The following PEX6 variants were observed in gnomAD, a reference collection of about 807,000 sequenced individuals.
PEX6 encodes the protein peroxisome biogenesis factor 6.
In PEX6, 55 loss-of-function variants were observed where a neutral mutation model predicts 85.6. The observed-to-expected ratio is 0.64, with a 90% CI of 0.52 to 0.80. The LOEUF is 0.80. PEX6 is among the 30% of genes least tolerant of loss of function. The probability of loss-of-function intolerance (pLI) is 0.00; values close to 1 mark genes in which losing one functional copy is unlikely to be tolerated. For synonymous variants in PEX6, 519 were observed against 549.1 expected (o/e 0.95, Z 0.77); for missense variants, 1,099 against 1,260.3 (o/e 0.87, Z 1.94).
intron 1 of PEX6, among the ~76,000 whole-genome samples, chr6:42,975,774 A>G (rs943287492): frequency 3.3e-5 from 5 of 150,990 alleles, no homozygotes; most frequent in Non-Finnish European, 5.9e-5. Context: ...GCAGTGGCAC[A>G]GTCTCGGCTC....
rs1274337905 is a variant in PEX6, at chr6:42,966,311, C to G, written c.2231G>C (p.Gly744Ala). 6.2e-7 allele frequency: 1 copy of G among 1,613,084 alleles called. No homozygotes were observed. Among genetic ancestry groups the G allele is most frequent in the South Asian group, 1.1e-5 (1 of 91,082 alleles). Reference sequence around the variant, plus strand: ...AAGGGTCTTGCCGGTGCCAGGGGGCCCATGGAGCAGAAGGCCTGAGCGTCT... The same window carrying G: ...AAGGGTCTTGCCGGTGCCAGGGGGCGCATGGAGCAGAAGGCCTGAGCGTCT... ...GLRRSGLLLH[G>A]PPGTGKTLLA... The change falls in exon 11 of 17, where the codon GGG (glycine) becomes GCG (alanine). Residue 744 changes from glycine to alanine, a missense_variant. Around this residue, in one of 3 missense-constraint regions of PEX6, gnomAD observed 514 missense variants for 627.0 expected, o/e 0.82. Coordinates refer to ENST00000304611, the MANE Select transcript of PEX6 (RefSeq NM_000287.4).
In PEX6 at chr6:42,978,559, G is replaced by C. The variant is rs1770412382; in HGVS notation, c.592C>G (p.Leu198Val). ...SGTVRRLQGV[L>V]GGTGDSLGVS... ...CCTAGTGAATCTCCAGTCCCTCCCA[G>C]AACTCCCTGGAGTCGCCGCACTGTG... is the stretch of plus-strand genomic sequence containing the variant. Residue 198 changes from leucine to valine, a missense_variant, in exon 1 of 17, where the codon CTG becomes GTG. This residue lies in a region of PEX6 where 579 missense variants were observed against 611.6 expected (regional missense o/e 0.95). Coordinates refer to ENST00000304611, the MANE Select transcript of PEX6 (RefSeq NM_000287.4). The C allele has an allele frequency of 1.2e-6, 2 of 1,612,998 alleles. No homozygotes were observed. The highest frequency in any genetic ancestry group is 1.7e-6 in the Non-Finnish European group (2 of 1,179,890).
chr6:42,964,013 G>A lies in PEX6; in HGVS notation c.*322C>T, dbSNP rs1769608532. ...CTTTCATGCCACAACACCAGTAGGG[G>A]GCGGGACATGCTTTATTTTCAGCCA... On this transcript the variant is annotated 3_prime_UTR_variant, in exon 17 of 17. Transcript: ENST00000304611. The surrounding 1 kb of genome is among the most constrained non-coding windows in gnomAD (Gnocchi z 4.6). 1 of 542,750 alleles carries A rather than the reference G, an allele frequency of 1.8e-6. No homozygotes were observed. Among genetic ancestry groups the A allele is most frequent in the Non-Finnish European group, 3.3e-6 (1 of 302,504 alleles). The allele number at this position is 542,750 out of a possible 1,614,324, so 33.6% of individuals were successfully genotyped here.
chr6:42,966,544 T>C lies in PEX6; in HGVS notation c.2075A>G (p.Gln692Arg). 6.2e-7 allele frequency: 1 copy of C among 1,614,164 alleles called. No individual in the cohort carries two copies. Among genetic ancestry groups the C allele is most frequent in the Non-Finnish European group, 8.5e-7 (1 of 1,180,010 alleles). The change falls in exon 10 of 17, where the codon CAG becomes CGG. Residue 692 changes from glutamine (Q) to arginine (R), a missense_variant. Gln to Arg is a conservative substitution (Grantham distance 43, BLOSUM62 1). This residue lies in a region of PEX6 where 514 missense variants were observed against 627.0 expected (regional missense o/e 0.82). Transcript: ENST00000304611. ...CTCCACCTTGGGGGCTCCAACGGCCTGGGAGTGAGCTGTCTGCAGTTGCTC... is the reference window on the plus strand; with the variant it reads ...CTCCACCTTGGGGGCTCCAACGGCCCGGGAGTGAGCTGTCTGCAGTTGCTC... ...ALEQLQTAHSQAVGAPKIPSV... is the reference protein window; with the variant it reads ...ALEQLQTAHSRAVGAPKIPSV...
At chr6:42,966,165 CT>C in intron 11 of PEX6, 60 bp from the exon 12 acceptor site, 1 of 1,610,156 alleles carries the variant, frequency 6.2e-7, no homozygotes, top group Non-Finnish European at 8.5e-7. Flanking sequence ...CAATTGACCT[CT>C]TGGGCAGCCC....
intron 1 of PEX6, 43 bp from the exon 2 acceptor site, chr6:42,975,081 G>A: frequency 1.3e-6 from 2 of 1,519,502 alleles, no homozygotes; most frequent in Non-Finnish European, 9.1e-7. Context: ...TCTCCTAAGG[G>A]GGCAGGCTCT....
intron 5 of PEX6, among the ~76,000 whole-genome samples, 167 bp from the exon 6 acceptor site, chr6:42,969,152 A>C (rs1319250805): frequency 6.6e-6 from 1 of 152,218 alleles, no homozygotes; most frequent in Non-Finnish European, 1.5e-5. Context: ...TGTGTCTCCC[A>C]CACCACCTGC....
At chr6:42,977,410 A>C (rs540141370) in intron 1 of PEX6, among the ~76,000 whole-genome samples, 1 of 151,556 alleles carries the variant, frequency 6.6e-6, no homozygotes, top group Non-Finnish European at 1.5e-5. Flanking sequence ...GCACCACCAC[A>C]CCCAAACTTC....
chr6:42,977,842 C>CTTTG (rs1491154241), intron 1 of PEX6, among the ~76,000 whole-genome samples: 5 of 115,634 alleles, frequency 4.3e-5, no homozygotes, highest in African/African-American at 1.7e-4. Flanking sequence ...AAACATTATG[C>CTTTG]TTTTTTTTTT....
intron 2 of PEX6, 61 bp downstream of exon 2, chr6:42,974,814 G>T: frequency 6.7e-7 from 1 of 1,481,986 alleles, no homozygotes; most frequent in Non-Finnish European, 9.4e-7. Flanking sequence ...TCTAAGGCAT[G>T]GGATAGGAGG....
chr6:42,979,181 G>A lies in PEX6; in HGVS notation c.-31C>T. ...CAGGACACCAACGAGGAGGGTGAAG[G>A]AGCGCAGCTTCCGGAGCCAGAGAGC... On this transcript the variant is annotated 5_prime_UTR_variant, in exon 1 of 17. Transcript: ENST00000304611. The A allele has an allele frequency of 6.4e-7, 1 of 1,565,162 alleles. No homozygotes were observed. The highest frequency in any genetic ancestry group is 1.2e-5 in the South Asian group (1 of 86,416).
At position 42,978,456 on chromosome 6, in the gene PEX6, G is replaced by A. The variant is rs763206048; in HGVS notation, c.695C>T (p.Ser232Leu). 1.7e-5 allele frequency: 28 copies of A among 1,614,012 alleles called. No homozygotes were observed. The highest frequency in any genetic ancestry group is 2.3e-5 in the Non-Finnish European group (27 of 1,180,042). The change falls in exon 1 of 17, where the codon TCG (serine) becomes TTG (leucine). Residue 232 changes from serine to leucine, a missense_variant. Coordinates refer to ENST00000304611, the MANE Select transcript of PEX6 (RefSeq NM_000287.4). ...AGCCAAGTGCGGCTGTGAAGTGTTC[G>A]ATGACTCTCTGGCCTGGGCCACCCA... ...WVWVAQARES[S>L]NTSQPHLARV...
rs1268182518 is a variant in PEX6 at position 42,966,611 on chromosome 6, C to A, written c.2008G>T (p.Ala670Ser). Residue 670 changes from alanine to serine, a missense_variant, in exon 10 of 17, where the codon GCC becomes TCC. Ala to Ser is a moderately conservative substitution (Grantham distance 99, BLOSUM62 1). Transcript: ENST00000304611. ...TEEDEGELCA[A>S]GFPLLAEDFG... is the part of the protein sequence containing the mutation. ...TCCTCAGCCAGGAGAGGAAAGCCGG[C>A]AGCACACAGCTCCCCCTCATCCTCC... 6.2e-7 allele frequency: 1 copy of A among 1,614,198 alleles called. No homozygotes were observed. The highest frequency in any genetic ancestry group is 1.7e-5 in the Admixed American group (1 of 60,028).
chr6:42,966,480 C>G (rs777391153), intron 10 of PEX6, 33 bp from the exon 11 acceptor site: 2 of 1,614,186 alleles, frequency 1.2e-6, no homozygotes, highest in East Asian at 4.5e-5. Flanking sequence ...TTGGGATATG[C>G]TCTTGGAGGG....
Position 42,966,649 on chromosome 6 carries a change from C to T in PEX6, c.1970G>A (p.Gly657Asp), listed in dbSNP as rs2114240555. 1 of 1,614,174 alleles carries T rather than the reference C, an allele frequency of 6.2e-7. No homozygotes were observed. Among genetic ancestry groups the T allele is most frequent in the Non-Finnish European group, 8.5e-7 (1 of 1,180,030 alleles). The change falls in exon 10 of 17, where the codon GGT becomes GAT. Residue 657 changes from glycine to aspartate, a missense_variant. By Grantham distance (94) the Gly-to-Asp change is moderately conservative. Around this residue, in one of 3 missense-constraint regions of PEX6, gnomAD observed 514 missense variants for 627.0 expected, o/e 0.82. Coordinates refer to ENST00000304611, the MANE Select transcript of PEX6 (RefSeq NM_000287.4). ...CCCCTCATCCTCCTCAGTCAAGCCA[C>T]CTGCCAAACTGCAAAGAGGAACACA... is the stretch of plus-strand genomic sequence containing the variant. ...CTRIKNSGLA[G>D]GLTEEDEGEL...
chr6:42,966,525 C>G lies in PEX6; in HGVS notation c.2094G>C (p.Lys698Asn). The change falls in exon 10 of 17, where the codon AAG becomes AAC. Residue 698 changes from lysine to asparagine, a missense_variant and splice_region_variant. Lys to Asn is a moderately conservative substitution (Grantham distance 94). Transcript: ENST00000304611. ...CCACCTCCAAGGACTTGGTCTCCACCTTGGGGGCTCCAACGGCCTGGGAGT... is the reference window on the plus strand; with the variant it reads ...CCACCTCCAAGGACTTGGTCTCCACGTTGGGGGCTCCAACGGCCTGGGAGT... ...TAHSQAVGAP[K>N]IPSVSWHDVG... is the part of the protein sequence containing the mutation. The G allele has an allele frequency of 6.2e-7, 1 of 1,614,186 alleles. No individual in the cohort carries two copies. Among genetic ancestry groups the G allele is most frequent in the Non-Finnish European group, 8.5e-7 (1 of 1,180,024 alleles).
rs1481867777 is a variant in PEX6 at position 42,978,982 on chromosome 6, G to A, written c.169C>T (p.Leu57=). The change falls in exon 1 of 17, where the codon CTG becomes TTG. Residue 57 remains leucine (L), a synonymous_variant. Transcript: ENST00000304611. ...PAGPALLVAA[L]EGPDAGTEEQ... ...TCGGTGCCCGCGTCCGGCCCCTCCAGGGCTGCCACCAGCAGCGCCGGCCCT... is the reference window on the plus strand; with the variant it reads ...TCGGTGCCCGCGTCCGGCCCCTCCAAGGCTGCCACCAGCAGCGCCGGCCCT... 7.9e-6 allele frequency: 12 copies of A among 1,511,566 alleles called. No individual in the cohort carries two copies. Among genetic ancestry groups the A allele is most frequent in the Admixed American group, 2.1e-5 (1 of 48,508 alleles). 93.6% of individuals were successfully genotyped at this position (1,511,566 alleles called of 1,614,324 possible).
At position 42,965,156 on chromosome 6, in the gene PEX6, T is replaced by C. The variant is rs759850777; in HGVS notation, c.2589-4A>G. 1.2e-6 allele frequency: 2 copies of C among 1,614,006 alleles called. No homozygotes were observed. The highest frequency in any genetic ancestry group is 1.7e-5 in the Admixed American group (1 of 60,016). ...CACAAACACCAGCTTGTCAAATCTT[T>C]AGGGAGATAGGCAGGTATAAGTTTC... is the stretch of plus-strand genomic sequence containing the variant. On this transcript the variant is annotated splice_polypyrimidine_tract_variant and splice_region_variant and intron_variant, in intron 14 of 16. Coordinates refer to ENST00000304611, the MANE Select transcript of PEX6 (RefSeq NM_000287.4). The surrounding 1 kb of genome is among the most constrained non-coding windows in gnomAD (Gnocchi z 5.0).
At chr6:42,976,206 T>C (rs1297006053) in intron 1 of PEX6, among the ~76,000 whole-genome samples, 2 of 152,136 alleles carry the variant, frequency 1.3e-5, no homozygotes, top group Non-Finnish European at 2.9e-5. Flanking sequence ...GGTTTCGCCA[T>C]GTTAGCCAGG....
Sources: gnomAD v4.1 joint callset for allele counts (sites outside exome capture counted in the v4.1 genomes callset) on GRCh38, gnomAD v4.1.1 for gene constraint, gnomAD v4.1.1 regional missense constraint, Gnocchi (gnomAD v3.1) non-coding constraint, MANE v1.5 for transcripts, NCBI Gene and HGNC (gene_info 2026-07-23, HGNC 2026-07-21) for gene names.